UNK: variants seen among roughly 807,000 people sequenced by gnomAD.
UNK encodes unk zinc finger.
A neutral mutation model predicts 97.6 loss-of-function variants in UNK; 32 were observed. That is an observed-to-expected ratio of 0.33 (90% CI 0.25 to 0.44). The LOEUF (loss-of-function observed/expected upper bound fraction) is 0.44, where lower values mean the gene tolerates loss of function less well. UNK is among the 20% of genes least tolerant of loss of function. UNK has a pLI of 1.00. For missense variants in UNK, 771 were observed against 1,098.4 expected, an observed-to-expected ratio of 0.70 and a Z score of 4.21; for synonymous variants, 441 against 461.2, an observed-to-expected ratio of 0.96 and a Z score of 0.56.
chr17:75,793,942 C>G (rs1415949294), intron 1 of UNK: 1 of 985,192 alleles, frequency 1.0e-6, no homozygotes, highest in Non-Finnish European at 1.2e-6. Flanking sequence ...TATATCTAAG[C>G]ATTTATTAAT....
rs150214359 is a variant in UNK, at chr17:75,820,189, C to T, written c.1837+81C>T. The T allele has an allele frequency of 3.9e-4, 557 of 1,432,822 alleles. 3 individuals are homozygous for T. The African/African-American group carries it at 6.6e-3, about 17-fold the overall frequency. The allele number at this position is 1,432,822 out of a possible 1,614,324, so 88.8% of individuals were successfully genotyped here. ...GAGGTGCCTCTGGCCACCCCATCTA[C>T]GGCATATCAGCTAGGCTGGGGGTTA... is the stretch of plus-strand genomic sequence containing the variant. On this transcript the variant is annotated intron_variant, in intron 13 of 15. Coordinates refer to ENST00000589666, the MANE Select transcript of UNK (RefSeq NM_001080419.3).
intron 1 of UNK, chr17:75,791,648 T>C (rs1444014946): frequency 2.7e-6 from 2 of 751,318 alleles, no homozygotes; most frequent in East Asian, 2.6e-4. Flanking sequence ...AAGTGTTAAG[T>C]GCCCTTGCTA....
intron 1 of UNK, among the ~76,000 whole-genome samples, chr17:75,795,794 G>A (rs2061800802): frequency 1.3e-5 from 2 of 152,184 alleles, no homozygotes; most frequent in Admixed American, 1.3e-4. Context: ...CACAGGGCAA[G>A]GGGACAGTTA....
At chr17:75,805,846 A>G (rs1056927930) in intron 1 of UNK, among the ~76,000 whole-genome samples, 32 of 106,818 alleles carry the variant, frequency 3.0e-4, no homozygotes, top group Middle Eastern at 5.2e-3. Flanking sequence ...GTGTGTGTGT[A>G]TAATATATAT....
At chr17:75,793,851 T>A (rs978913091) in intron 1 of UNK, 1 of 985,302 alleles carries the variant, frequency 1.0e-6, no homozygotes, top group Non-Finnish European at 1.2e-6. Flanking sequence ...ATAAGAGAAG[T>A]AGTTATGTTC....
At chr17:75,802,289 C>T (rs750405472) in intron 1 of UNK, among the ~76,000 whole-genome samples, 6 of 107,582 alleles carry the variant, frequency 5.6e-5, no homozygotes, top group East Asian at 3.3e-4. Flanking sequence ...GACAGGGTCT[C>T]GCTCTGTCAC....
At chr17:75,792,917 A>T (rs2061775029) in intron 1 of UNK, among the ~76,000 whole-genome samples, 1 of 152,264 alleles carries the variant, frequency 6.6e-6, no homozygotes, top group African/African-American at 2.4e-5. Flanking sequence ...GCCAAGGCTC[A>T]GCAACAGTGG....
chr17:75,816,914 T>C lies in UNK; in HGVS notation c.1104+2T>C. ...CCGCATGCCCCTGACCTCAGTGCCG[T>C]ACGTGTCCATCCTGGGGAGTGGGTG... On this transcript the variant is annotated splice_donor_variant, in intron 8 of 15. Coordinates refer to ENST00000589666, the MANE Select transcript of UNK (RefSeq NM_001080419.3). LOFTEE classifies it high-confidence loss of function. This position sits in a 1 kb window ranked among gnomAD's most constrained non-coding sequence, Gnocchi z 4.0. The C allele has an allele frequency of 6.2e-7, 1 of 1,600,348 alleles. No individual in the cohort carries two copies. The highest frequency in any genetic ancestry group is 1.7e-4 in the Middle Eastern group (1 of 6,054).
At position 75,811,329 on chromosome 17, in the gene UNK, T is replaced by G. The variant is rs888030333; in HGVS notation, c.315-783T>G. ...TGTGTTGCCCAGGCTGGTCTCAAAT[T>G]CCTGGCCTCAAATGATCCTCTTGCC... On this transcript the variant is annotated intron_variant, in intron 2 of 15. Coordinates refer to ENST00000589666, the MANE Select transcript of UNK (RefSeq NM_001080419.3). Among the ~76,000 whole-genome samples, 6 of 152,088 alleles carry G rather than the reference T, an allele frequency of 3.9e-5. No homozygotes were observed. In the South Asian group the frequency reaches 1.2e-3, roughly 32 times the overall value.
chr17:75,818,881 T>C lies in UNK; in HGVS notation c.1546+65T>C. On this transcript the variant is annotated intron_variant, in intron 11 of 15. Transcript: ENST00000589666. The surrounding 1 kb of genome is among the most constrained non-coding windows in gnomAD (Gnocchi z 5.1). ...CTGGGGTCAGAGACCCCCCAGTCTC[T>C]GAAGCGAGTCTCAAATCAGCACACC... The C allele has an allele frequency of 6.9e-7, 1 of 1,454,992 alleles. No individual in the cohort carries two copies. Among genetic ancestry groups the C allele is most frequent in the African/African-American group, 1.4e-5 (1 of 69,720 alleles). 90.1% of individuals were successfully genotyped at this position (1,454,992 alleles called of 1,614,324 possible).
intron 3 of UNK, 58 bp from the exon 4 acceptor site, chr17:75,812,397 T>G (rs902129679): frequency 1.9e-6 from 3 of 1,587,644 alleles, no homozygotes; most frequent in Non-Finnish European, 2.6e-6. Flanking sequence ...GCTGGCACTC[T>G]GGTTCTTGCC....
chr17:75,813,822 A>G lies in UNK; in HGVS notation c.820A>G (p.Asn274Asp). The G allele has an allele frequency of 6.3e-7, 1 of 1,598,266 alleles. No individual in the cohort carries two copies. The highest frequency in any genetic ancestry group is 8.5e-7 in the Non-Finnish European group (1 of 1,173,412). The change falls in exon 6 of 16, where the codon AAC (asparagine) becomes GAC (aspartate). Residue 274 changes from asparagine (N) to aspartate (D), a missense_variant. Asn to Asp is a conservative substitution (Grantham distance 23). This residue lies in a region of UNK where 246 missense variants were observed against 440.7 expected (regional missense o/e 0.56). Coordinates refer to ENST00000589666, the MANE Select transcript of UNK (RefSeq NM_001080419.3). ...GTGGGGAGACCCTGGCAAGTGTGAG[A>G]ACGGAGACGCCTGCCAGTACTGCCA... ...DEWGDPGKCE[N>D]GDACQYCHTR...
Position 75,819,792 on chromosome 17 carries a change from G to C in UNK, c.1648+7G>C. The stretch of plus-strand genomic sequence containing the variant: ...CCAGGAAGCATCACCATCGGTACTG[G>C]GTGTGGGTGGGCAGGGCAGCCTGGA... On this transcript the variant is annotated splice_region_variant and intron_variant, in intron 12 of 15. Transcript: ENST00000589666. The surrounding 1 kb of genome is among the most constrained non-coding windows in gnomAD (Gnocchi z 5.4). 1 of 1,613,718 alleles carries C rather than the reference G, an allele frequency of 6.2e-7. No individual in the cohort carries two copies. Among genetic ancestry groups the C allele is most frequent in the Non-Finnish European group, 8.5e-7 (1 of 1,179,870 alleles).
chr17:75,809,433 T>A (rs565435782), intron 1 of UNK, among the ~76,000 whole-genome samples: 2 of 152,288 alleles, frequency 1.3e-5, no homozygotes, highest in East Asian at 3.9e-4. Flanking sequence ...TTGCCTGTGA[T>A]TAGTGGTTTG....
intron 13 of UNK, among the ~76,000 whole-genome samples, chr17:75,820,764 G>A (rs908318000): frequency 1.3e-5 from 2 of 152,136 alleles, no homozygotes; most frequent in Admixed American, 6.5e-5. Context: ...CCTGAGGGCG[G>A]GATGGGAAGC....
At position 75,824,640 on chromosome 17, in the gene UNK, T is replaced by C; in HGVS notation, c.*223T>C. 2 of 241,930 alleles carry C rather than the reference T, an allele frequency of 8.3e-6. No homozygotes were observed. The highest frequency in any genetic ancestry group is 1.5e-5 in the Non-Finnish European group (2 of 134,544). 15.0% of individuals were successfully genotyped at this position (241,930 alleles called of 1,614,324 possible). A position where few individuals can be genotyped will look rare whatever the true frequency, so the allele number is the denominator to read the frequency against. ...GTCTGTGTGTATATCTGTACATAGA[T>C]ATAGACACACACTTTAAAAGACTTA... On this transcript the variant is annotated 3_prime_UTR_variant, in exon 16 of 16. Transcript: ENST00000589666. The surrounding 1 kb of genome is among the most constrained non-coding windows in gnomAD (Gnocchi z 4.9).
At chr17:75,788,369 A>G (rs1784024317) in intron 1 of UNK, among the ~76,000 whole-genome samples, 1 of 152,072 alleles carries the variant, frequency 6.6e-6, no homozygotes, top group Non-Finnish European at 1.5e-5. Flanking sequence ...TAGTAGAGAC[A>G]GGGTTTCACT....
chr17:75,786,333 T>C (rs1317084946), intron 1 of UNK, among the ~76,000 whole-genome samples: 1 of 152,216 alleles, frequency 6.6e-6, no homozygotes, highest in African/African-American at 2.4e-5. Context: ...TGGAACTTCT[T>C]TATAATCTCT....
At chr17:75,794,862 G>A (rs917348624) in intron 1 of UNK, among the ~76,000 whole-genome samples, 8 of 152,138 alleles carry the variant, frequency 5.3e-5, no homozygotes, top group Non-Finnish European at 7.4e-5. Flanking sequence ...CATGTAAAGC[G>A]CTTAAAACAG....
Sources: allele counts gnomAD v4.1 joint callset (sites outside exome capture counted in the v4.1 genomes callset), GRCh38; gene constraint gnomAD v4.1.1; regional missense constraint gnomAD v4.1.1; non-coding constraint Gnocchi (gnomAD v3.1); transcripts MANE v1.5; gene names NCBI Gene and HGNC (gene_info 2026-07-23, HGNC 2026-07-21).